PAAF1: variants seen among roughly 807,000 people sequenced by gnomAD.
PAAF1 encodes proteasomal ATPase-associated factor 1.
A neutral mutation model predicts 52.8 loss-of-function variants in PAAF1; 46 were observed. The observed-to-expected ratio is 0.87, with a 90% CI of 0.69 to 1.11. PAAF1 has a LOEUF of 1.11. PAAF1 is among the 50% of genes most tolerant of loss of function. The pLI is 0.00. For synonymous variants in PAAF1, 178 were observed against 172.8 expected, an observed-to-expected ratio of 1.03 and a Z score of -0.24; for missense variants, 424 against 477.4, an observed-to-expected ratio of 0.89 and a Z score of 1.04.
chr11:73,911,430 A>T (rs977596068), intron 7 of PAAF1, among the ~76,000 whole-genome samples: 8 of 151,438 alleles, frequency 5.3e-5, no homozygotes, highest in African/African-American at 1.9e-4. Flanking sequence ...TGATTCTCCC[A>T]TCTTAGCCTC....
chr11:73,876,822 T>A (rs534910737), upstream of PAAF1: 10 of 457,052 alleles, frequency 2.2e-5, no homozygotes, highest in Non-Finnish European at 1.1e-5. Context: ...TCGCAGGCGG[T>A]TGGGGATCCT....
At position 73,919,049 on chromosome 11, in the gene PAAF1, A is replaced by G. The variant is rs889378737; in HGVS notation, c.1018+17A>G. 4 of 1,585,970 alleles carry G rather than the reference A, an allele frequency of 2.5e-6. No individual in the cohort carries two copies. The highest frequency in any genetic ancestry group is 3.5e-6 in the Non-Finnish European group (4 of 1,159,124). On this transcript the variant is annotated intron_variant, in intron 10 of 11. Transcript: ENST00000310571. Reference sequence around the variant, plus strand: ...CTAGCCAAGGTGGGTCCATGGGCCAATTGAGAGAGATGCTTCTCTGTAGTT... The same window carrying G: ...CTAGCCAAGGTGGGTCCATGGGCCAGTTGAGAGAGATGCTTCTCTGTAGTT...
intron 4 of PAAF1, among the ~76,000 whole-genome samples, chr11:73,898,243 A>G (rs1014633265): frequency 4.2e-5 from 6 of 143,706 alleles, no homozygotes; most frequent in Admixed American, 2.0e-4. Context: ...GGAGAGGGAG[A>G]GGGAGAAGGA....
chr11:73,908,329 A>ATATATGTG lies in PAAF1; in HGVS notation c.533-1065_533-1064insGTGTATAT, dbSNP rs1565143660. Among the ~76,000 whole-genome samples, 130 of 145,132 alleles carry ATATATGTG rather than the reference A, an allele frequency of 9.0e-4. 1 individual carries two copies. Among genetic ancestry groups the ATATATGTG allele is most frequent in the Non-Finnish European group, 5.8e-4 (39 of 66,918 alleles). ...TATGTATATATATGTGTATATATGT[A>ATATATGTG]TATATATGTGTATATATGTGTATAT... On this transcript the variant is annotated intron_variant, in intron 6 of 11. Transcript: ENST00000310571.
chr11:73,930,203 C>CA lies in PAAF1; in HGVS notation c.*2847dup, dbSNP rs1415355386. ...GGCTAACACAGTGAAACCCTGTCTA[C>CA]AAAAAATACAAAAAAATTTAGCCAG... On this transcript the variant is annotated 3_prime_UTR_variant, in exon 12 of 12. Transcript: ENST00000310571. 1.3e-5 allele frequency: 2 copies of CA among 148,700 alleles called. No homozygotes were observed. The highest frequency in any genetic ancestry group is 2.5e-5 in the African/African-American group (1 of 40,146). The allele number at this position is 148,700 out of a possible 1,614,324, so 9.2% of individuals were successfully genotyped here.
chr11:73,876,965 C>T, upstream of PAAF1: 1 of 1,480,450 alleles, frequency 6.8e-7, no homozygotes, highest in Non-Finnish European at 9.0e-7. Context: ...GCACGCTTCT[C>T]GGGGACTCAC....
At chr11:73,924,440 CTG>C (rs1172775206) in intron 10 of PAAF1, among the ~76,000 whole-genome samples, 173 bp from the exon 11 acceptor site, 22 of 152,080 alleles carry the variant, frequency 1.4e-4, no homozygotes, top group Non-Finnish European at 1.5e-5. Context: ...GAACGAAACT[CTG>C]TCTCAAAAAA....
chr11:73,903,235 G>A (rs927725787), intron 6 of PAAF1, among the ~76,000 whole-genome samples: 4 of 152,162 alleles, frequency 2.6e-5, no homozygotes, highest in African/African-American at 4.8e-5. Flanking sequence ...TTTCCAGTTC[G>A]TTGAATAAAG....
chr11:73,899,344 T>C (rs1341544559), intron 5 of PAAF1, 100 bp downstream of exon 5: 4 of 758,902 alleles, frequency 5.3e-6, no homozygotes, highest in Non-Finnish European at 9.1e-6. Flanking sequence ...TCTAAAAATG[T>C]GGGACCACTC....
At chr11:73,895,505 G>A (rs1205811674) in intron 4 of PAAF1, among the ~76,000 whole-genome samples, 1 of 152,196 alleles carries the variant, frequency 6.6e-6, no homozygotes, top group Non-Finnish European at 1.5e-5. Context: ...AAAAGTCTTA[G>A]AAAATGTTAG....
intron 2 of PAAF1, among the ~76,000 whole-genome samples, chr11:73,886,373 C>T (rs1237836515): frequency 6.6e-6 from 1 of 152,096 alleles, no homozygotes; most frequent in Non-Finnish European, 1.5e-5. Flanking sequence ...AGCTTTTAGT[C>T]TTGAAAATGT....
chr11:73,929,259 G>C lies in PAAF1; in HGVS notation c.*1897G>C, dbSNP rs1347941455. 6.6e-6 allele frequency: 1 copy of C among 152,054 alleles called. No homozygotes were observed. Among genetic ancestry groups the C allele is most frequent in the Non-Finnish European group, 1.5e-5 (1 of 68,076 alleles). 9.4% of individuals were successfully genotyped at this position (152,054 alleles called of 1,614,324 possible). On this transcript the variant is annotated 3_prime_UTR_variant, in exon 12 of 12. Coordinates refer to ENST00000310571, the MANE Select transcript of PAAF1 (RefSeq NM_025155.3). Reference sequence around the variant, plus strand: ...GACAGAGTCTCACCATGTTGCCCAGGCTGGTCTCAAACTCCTGAACTCAAG... The same window carrying C: ...GACAGAGTCTCACCATGTTGCCCAGCCTGGTCTCAAACTCCTGAACTCAAG...
intron 6 of PAAF1, among the ~76,000 whole-genome samples, chr11:73,903,027 T>G (rs996702185): frequency 6.6e-6 from 1 of 152,240 alleles, no homozygotes; most frequent in Non-Finnish European, 1.5e-5. Context: ...AGATATAAGC[T>G]TTTATTCATG....
At position 73,928,322 on chromosome 11, in the gene PAAF1, GAGGTTGGC is replaced by G. The variant is rs1345111638; in HGVS notation, c.*963_*970del. 4 of 151,776 alleles carry G rather than the reference GAGGTTGGC, an allele frequency of 2.6e-5. No individual in the cohort carries two copies. The highest frequency in any genetic ancestry group is 5.9e-5 in the Non-Finnish European group (4 of 68,060). The allele number at this position is 151,776 out of a possible 1,614,324, so 9.4% of individuals were successfully genotyped here. ...TCGGTCTGTAGGAGATGAGGCCACA[GAGGTTGGC>G]AGAGCCCAAATAGTGAAGGAGCACG... On this transcript the variant is annotated 3_prime_UTR_variant, in exon 12 of 12. Coordinates refer to ENST00000310571, the MANE Select transcript of PAAF1 (RefSeq NM_025155.3).
intron 10 of PAAF1, 143 bp from the exon 11 acceptor site, chr11:73,924,472 C>T (rs889118388): frequency 5.0e-5 from 33 of 659,896 alleles, no homozygotes; most frequent in South Asian, 3.7e-4. Flanking sequence ...AGTTGGCCCA[C>T]GTAATAAGAT....
At chr11:73,912,285 C>T (rs1444325890) in intron 7 of PAAF1, among the ~76,000 whole-genome samples, 2 of 152,230 alleles carry the variant, frequency 1.3e-5, no homozygotes, top group South Asian at 2.1e-4. Flanking sequence ...GACTCTATTT[C>T]GATGTCTAAT....
intron 11 of PAAF1, among the ~76,000 whole-genome samples, chr11:73,925,079 T>G (rs972672486): frequency 6.9e-6 from 1 of 144,390 alleles, no homozygotes; most frequent in Non-Finnish European, 1.5e-5. Context: ...CGCTTGAACC[T>G]GGGAGGTGGA....
chr11:73,898,608 G>A (rs994448464), intron 4 of PAAF1, among the ~76,000 whole-genome samples: 10 of 152,146 alleles, frequency 6.6e-5, no homozygotes, highest in Non-Finnish European at 1.5e-4. Context: ...CTTGAGCTCA[G>A]GAGTTTGAGA....
rs149302262 is a variant in PAAF1, at chr11:73,878,741, T to C, written c.48-38T>C. 4.4e-6 allele frequency: 7 copies of C among 1,603,810 alleles called. No individual in the cohort carries two copies. The African/African-American group carries it at 8.0e-5, about 18-fold the overall frequency. On this transcript the variant is annotated intron_variant, in intron 1 of 11. Transcript: ENST00000310571. The stretch of plus-strand genomic sequence containing the variant: ...TGTAACTATGGGATCCTATTCAACT[T>C]TGGGTAAGCCTAATTAGGCTTTTGT...
Sources: allele counts gnomAD v4.1 joint callset (sites outside exome capture counted in the v4.1 genomes callset), GRCh38; gene constraint gnomAD v4.1.1; transcripts MANE v1.5; gene names NCBI Gene and HGNC (gene_info 2026-07-23, HGNC 2026-07-21).